Variants in ELN observed in about 807,000 individuals in gnomAD.
The protein encoded by ELN is tropoelastin.
Under a neutral mutation model 105.8 loss-of-function variants are expected in ELN, and 65 were observed. That is an observed-to-expected ratio of 0.61 (90% confidence interval 0.50 to 0.75). The LOEUF is 0.75. Among genes scored for constraint, ELN ranks in the 30% least tolerant of loss-of-function variants. ELN has a pLI of 0.00. For synonymous variants in ELN, 368 were observed against 389.2 expected (o/e 0.95, Z 0.64); for missense variants, 882 against 969.4 (o/e 0.91, Z 1.20).
rs1554665815 is a variant in ELN at position 74,036,551 on chromosome 7, A to G, written c.134-4A>G. 2 of 1,613,794 alleles carry G rather than the reference A, an allele frequency of 1.2e-6. No individual in the cohort carries two copies. The highest frequency in any genetic ancestry group is 2.7e-5 in the African/African-American group (2 of 74,864). On this transcript the variant is annotated splice_polypyrimidine_tract_variant and splice_region_variant and intron_variant, in intron 2 of 32. Transcript: ENST00000252034. ...TCTCTCTTTCTCTTTCTCTCCCCCC[A>G]CAGGGGCTGGTCTCGGAGCCCTTGG... is the stretch of plus-strand genomic sequence containing the variant.
chr7:74,040,069 TCAGGCCA>T (rs1395196289), intron 4 of ELN, among the ~76,000 whole-genome samples: 1 of 152,054 alleles, frequency 6.6e-6, no homozygotes, highest in African/African-American at 2.4e-5. Flanking sequence ...ACAGAAGTGG[TCAGGCCA>T]CATGACAGGA....
In ELN at chr7:74,053,221, C is replaced by G; in HGVS notation, c.1008C>G (p.Val336=). ...GPGFGPGVVG[V]PGAGVPGVGV... ...GCTTTGGCCCGGGAGTAGTTGGTGT[C>G]CCAGGAGCTGGCGTTCCAGGTGTTG... The change falls in exon 18 of 33, where the codon GTC becomes GTG. Residue 336 remains valine, a synonymous_variant. Transcript: ENST00000252034. 1.9e-6 allele frequency: 3 copies of G among 1,614,036 alleles called. No homozygotes were observed. Among genetic ancestry groups the G allele is most frequent in the Non-Finnish European group, 2.5e-6 (3 of 1,180,018 alleles).
intron 22 of ELN, 87 bp from the exon 23 acceptor site, chr7:74,059,799 A>G: frequency 1.2e-6 from 1 of 808,798 alleles, no homozygotes. Context: ...AATCTATGCC[A>G]GGGCCGAGGC....
intron 12 of ELN, among the ~76,000 whole-genome samples, chr7:74,047,269 A>G (rs1237820749): frequency 6.6e-6 from 1 of 152,174 alleles, no homozygotes; most frequent in Non-Finnish European, 1.5e-5. Context: ...GCTCATGCAC[A>G]GAGACCCATA....
intron 26 of ELN, among the ~76,000 whole-genome samples, chr7:74,061,997 C>A (rs1796791400): frequency 6.6e-6 from 1 of 152,236 alleles, no homozygotes; most frequent in Admixed American, 6.5e-5. Flanking sequence ...TCCTGTCCTG[C>A]CAGCAGGACC....
At chr7:74,053,732 ATGGATGGATGGG>A (rs1794636551) in intron 18 of ELN, among the ~76,000 whole-genome samples, 1 of 147,608 alleles carries the variant, frequency 6.8e-6, no homozygotes, top group African/African-American at 2.5e-5. Context: ...GGGTGGGTGG[ATGGATGGATGGG>A]TGGATGGGTG....
At position 74,063,662 on chromosome 7, in the gene ELN, G is replaced by A; in HGVS notation, c.1960G>A (p.Gly654Arg). ...TGGGCTCGGAGGACTCGGAGTCGGA[G>A]GGCTTGGAGTTCCAGGTGTTGGGGG... ...AAGLGGLGVG[G>R]LGVPGVGGLG... The change falls in exon 29 of 33, where the codon GGG becomes AGG. Residue 654 changes from glycine to arginine, a missense_variant. Coordinates refer to ENST00000252034, the MANE Select transcript of ELN (RefSeq NM_000501.4). The surrounding 1 kb of genome is among the most constrained non-coding windows in gnomAD (Gnocchi z 4.1). The A allele has an allele frequency of 6.2e-7, 1 of 1,613,804 alleles. No individual in the cohort carries two copies. The highest frequency in any genetic ancestry group is 1.1e-5 in the South Asian group (1 of 91,084).
chr7:74,064,173 C>T (rs1370350620), intron 29 of ELN, among the ~76,000 whole-genome samples: 1 of 150,530 alleles, frequency 6.6e-6, no homozygotes, highest in Non-Finnish European at 1.5e-5. Flanking sequence ...GATCCCAGCA[C>T]TTTGGGAGGC....
In ELN at chr7:74,042,615, G is replaced by A. The variant is rs973052651; in HGVS notation, c.234G>A (p.Gly78=). The A allele has an allele frequency of 3.1e-6, 5 of 1,612,942 alleles. No homozygotes were observed. The African/African-American group carries it at 5.3e-5, about 17-fold the overall frequency. Reference sequence around the variant, plus strand: ...CTCACCCCATCCTCCCCTCCGCAGGGCTCGGCGCCTTCCCCGCAGTTACCT... The same window carrying A: ...CTCACCCCATCCTCCCCTCCGCAGGACTCGGCGCCTTCCCCGCAGTTACCT... ...GGLAGAGLGA[G]LGAFPAVTFP... Residue 78 remains glycine (G), a splice_region_variant and synonymous_variant, in exon 6 of 33, where the codon GGG becomes GGA. Transcript: ENST00000252034.
intron 6 of ELN, 56 bp downstream of exon 6, chr7:74,042,762 C>T (rs1337857677): frequency 2.2e-5 from 35 of 1,596,938 alleles, no homozygotes; most frequent in Admixed American, 1.4e-4. Context: ...TGGGGCCCTC[C>T]GCTTTGCAAA....
Position 74,028,177 on chromosome 7 carries a change from T to C in ELN, c.-11T>C. Reference sequence around the variant, plus strand: ...AGGTGCGGAGAGCGGGCTGGGGCATTTCTCCCCGAGATGGCGGGTCTGACG... The same window carrying C: ...AGGTGCGGAGAGCGGGCTGGGGCATCTCTCCCCGAGATGGCGGGTCTGACG... On this transcript the variant is annotated 5_prime_UTR_variant, in exon 1 of 33. Coordinates refer to ENST00000252034, the MANE Select transcript of ELN (RefSeq NM_000501.4). 1 of 1,609,796 alleles carries C rather than the reference T, an allele frequency of 6.2e-7. No individual in the cohort carries two copies. Among genetic ancestry groups the C allele is most frequent in the East Asian group, 2.2e-5 (1 of 44,652 alleles).
chr7:74,031,224 T>C (rs1788582255), intron 1 of ELN, among the ~76,000 whole-genome samples: 1 of 152,182 alleles, frequency 6.6e-6, no homozygotes, highest in Admixed American at 6.5e-5. Flanking sequence ...TTCAGCTCAC[T>C]GGTTCTCCAT....
rs781969171 is a variant in ELN, at chr7:74,057,728, C to T, written c.1414+32C>T. On this transcript the variant is annotated intron_variant, in intron 22 of 32. Transcript: ENST00000252034. The stretch of plus-strand genomic sequence containing the variant: ...CCCCCTCACCCCCGCCACTGGCTCA[C>T]GGAGAACTGCTTTCTCCTGTGCCCT... 27 of 1,611,082 alleles carry T rather than the reference C, an allele frequency of 1.7e-5. 1 individual carries two copies. The highest frequency in any genetic ancestry group is 2.2e-5 in the East Asian group (1 of 44,870).
intron 1 of ELN, among the ~76,000 whole-genome samples, chr7:74,030,366 G>A (rs1554661530): frequency 6.6e-6 from 1 of 152,108 alleles, no homozygotes; most frequent in Non-Finnish European, 1.5e-5. Context: ...GGAGCAGGAG[G>A]AGGGGACAAG....
At chr7:74,041,411 G>A (rs1005285336) in intron 5 of ELN, among the ~76,000 whole-genome samples, 160 bp downstream of exon 5, 5 of 152,218 alleles carry the variant, frequency 3.3e-5, no homozygotes, top group Non-Finnish European at 5.9e-5. Flanking sequence ...CCAAGCAGCT[G>A]CCCAGGACAT....
chr7:74,053,234 G>C lies in ELN; in HGVS notation c.1021G>C (p.Val341Leu). 6.2e-7 allele frequency: 1 copy of C among 1,614,072 alleles called. No individual in the cohort carries two copies. Among genetic ancestry groups the C allele is most frequent in the Non-Finnish European group, 8.5e-7 (1 of 1,180,000 alleles). ...PGVVGVPGAG[V>L]PGVGVPGAGI... ...AGTAGTTGGTGTCCCAGGAGCTGGC[G>C]TTCCAGGTGTTGGTGTCCCAGGAGC... is the stretch of plus-strand genomic sequence containing the variant. The change falls in exon 18 of 33, where the codon GTT (valine) becomes CTT (leucine). Residue 341 changes from valine to leucine, a missense_variant. By Grantham distance (32) the Val-to-Leu change is conservative. Coordinates refer to ENST00000252034, the MANE Select transcript of ELN (RefSeq NM_000501.4).
intron 1 of ELN, among the ~76,000 whole-genome samples, chr7:74,030,139 G>A (rs1344828320): frequency 1.3e-5 from 2 of 152,208 alleles, no homozygotes; most frequent in African/African-American, 2.4e-5. Flanking sequence ...CCAAATAAGG[G>A]GTGTGTGAAC....
Position 74,037,696 on chromosome 7 carries a change from T to G in ELN, c.164-11T>G. On this transcript the variant is annotated splice_polypyrimidine_tract_variant and intron_variant, in intron 3 of 32. Coordinates refer to ENST00000252034, the MANE Select transcript of ELN (RefSeq NM_000501.4). Reference sequence around the variant, plus strand: ...GGCCACCCCATTCACTATCTTCTCTTCCCTCTGCAGCGCTGGGGCCTGGAG... The same window carrying G: ...GGCCACCCCATTCACTATCTTCTCTGCCCTCTGCAGCGCTGGGGCCTGGAG... 1 of 1,611,462 alleles carries G rather than the reference T, an allele frequency of 6.2e-7. No individual in the cohort carries two copies. Among genetic ancestry groups the G allele is most frequent in the Non-Finnish European group, 8.5e-7 (1 of 1,179,018 alleles).
In ELN at chr7:74,048,488, G is replaced by C. The variant is rs1285274008; in HGVS notation, c.746-15G>C. The C allele has an allele frequency of 1.2e-6, 2 of 1,613,900 alleles. No individual in the cohort carries two copies. The highest frequency in any genetic ancestry group is 1.7e-6 in the Non-Finnish European group (2 of 1,179,948). On this transcript the variant is annotated splice_polypyrimidine_tract_variant and intron_variant, in intron 14 of 32. Transcript: ENST00000252034. ...CACTGTTTCAAGGTCTCTCCCCTCT[G>C]CTTCCTTCCCCCAGGGGTTGGCCCC...
Sources: allele counts gnomAD v4.1 joint callset (sites outside exome capture counted in the v4.1 genomes callset), GRCh38; gene constraint gnomAD v4.1.1; non-coding constraint Gnocchi (gnomAD v3.1); transcripts MANE v1.5; gene names NCBI Gene and HGNC (gene_info 2026-07-23, HGNC 2026-07-21).